Variants in UBAC2 observed in about 807,000 individuals in gnomAD.
UBAC2 encodes UBA domain containing 2, also known as ubiquitin-associated domain-containing protein 2.
A neutral mutation model predicts 44.0 loss-of-function variants in UBAC2; 26 were observed. The ratio of observed to expected loss-of-function variants is 0.59; its 90% CI spans 0.43 to 0.82. The LOEUF (loss-of-function observed/expected upper bound fraction) is 0.82, where lower values mean the gene tolerates loss of function less well. Ranked by LOEUF, UBAC2 falls within the 40% of genes least tolerant of loss-of-function variation. UBAC2 has a pLI of 0.00. For missense variants in UBAC2, 329 were observed against 419.4 expected, an observed-to-expected ratio of 0.78 and a Z score of 1.88; for synonymous variants, 155 against 154.3, an observed-to-expected ratio of 1.00 and a Z score of -0.04.
intron 6 of UBAC2, among the ~76,000 whole-genome samples, chr13:99,319,703 C>T (rs1273218640): frequency 6.6e-6 from 1 of 152,186 alleles, no homozygotes; most frequent in East Asian, 1.9e-4. Flanking sequence ...TTCAAAACAC[C>T]TAAGCTATCC....
chr13:99,323,457 A>G (rs75373843), intron 6 of UBAC2, among the ~76,000 whole-genome samples: 3,159 of 152,272 alleles, frequency 0.021, 53 homozygotes, highest in Non-Finnish European at 0.029. Context: ...ACAAACAAAC[A>G]AACAAAAATT....
intron 1 of UBAC2, among the ~76,000 whole-genome samples, chr13:99,226,799 T>A (rs2043115168): frequency 6.6e-6 from 1 of 152,216 alleles, no homozygotes; most frequent in African/African-American, 2.4e-5. Context: ...TTGCTTTTTT[T>A]TCCTCCAGAA....
intron 4 of UBAC2, among the ~76,000 whole-genome samples, chr13:99,260,245 A>G (rs954576787): frequency 5.3e-5 from 8 of 152,184 alleles, no homozygotes; most frequent in Non-Finnish European, 4.4e-5. Flanking sequence ...CTTGGTACCT[A>G]TCCCTGTAGT....
At chr13:99,288,995 T>C (rs574547466) in intron 4 of UBAC2, among the ~76,000 whole-genome samples, 7 of 152,324 alleles carry the variant, frequency 4.6e-5, no homozygotes, top group East Asian at 1.9e-4. Context: ...ACAAGAATAT[T>C]GCACATGAAA....
chr13:99,201,397 C>G, intron 1 of UBAC2: 1 of 1,606,778 alleles, frequency 6.2e-7, no homozygotes, highest in Non-Finnish European at 8.5e-7. Context: ...AAGCTGACCT[C>G]TCAGTTTCAC....
At chr13:99,203,440 G>A (rs113275758) in intron 1 of UBAC2, among the ~76,000 whole-genome samples, 2,376 of 152,332 alleles carry the variant, frequency 0.016, 70 homozygotes, top group African/African-American at 0.054. Context: ...CCCATGGGTG[G>A]TGAATAACAG....
At chr13:99,236,020 G>C (rs1035630030) in intron 1 of UBAC2, among the ~76,000 whole-genome samples, 1 of 152,002 alleles carries the variant, frequency 6.6e-6, no homozygotes, top group African/African-American at 2.4e-5. Context: ...AAAAATGAAA[G>C]ACCCATATTT....
intron 1 of UBAC2, chr13:99,215,543 A>G (rs1594006176): frequency 6.8e-7 from 1 of 1,475,384 alleles, no homozygotes; most frequent in Non-Finnish European, 9.5e-7. Flanking sequence ...CTTTTGATGC[A>G]TTTCCTGCCA....
At chr13:99,337,554 C>G (rs959701081) in intron 6 of UBAC2, among the ~76,000 whole-genome samples, 4 of 152,192 alleles carry the variant, frequency 2.6e-5, no homozygotes, top group South Asian at 4.1e-4. Flanking sequence ...TTTAGGGACT[C>G]TTGCCCTTTC....
intron 1 of UBAC2, among the ~76,000 whole-genome samples, chr13:99,202,920 C>T (rs1055279881): frequency 6.6e-6 from 1 of 152,156 alleles, no homozygotes; most frequent in African/African-American, 2.4e-5. Flanking sequence ...GGAGCTTAGG[C>T]ACAGTTTTCC....
At chr13:99,312,234 G>A (rs770919890) in intron 4 of UBAC2, among the ~76,000 whole-genome samples, 5 of 152,260 alleles carry the variant, frequency 3.3e-5, no homozygotes, top group Admixed American at 1.3e-4. Context: ...GGAGGGTCCT[G>A]TGTTTCCACA....
chr13:99,208,088 C>G (rs1324052525), intron 1 of UBAC2, among the ~76,000 whole-genome samples: 1 of 151,094 alleles, frequency 6.6e-6, no homozygotes, highest in Non-Finnish European at 1.5e-5. Context: ...GCCTCTGCCT[C>G]CTGGGTTTGA....
chr13:99,202,933 G>C (rs1271081225), intron 1 of UBAC2, among the ~76,000 whole-genome samples: 1 of 152,188 alleles, frequency 6.6e-6, no homozygotes, highest in South Asian at 2.1e-4. Context: ...AGTTTTCCAG[G>C]ACTGGTCATT....
intron 4 of UBAC2, among the ~76,000 whole-genome samples, chr13:99,281,376 A>G (rs1347510029): frequency 6.6e-6 from 1 of 152,120 alleles, no homozygotes; most frequent in Non-Finnish European, 1.5e-5. Context: ...TTCACAAGAT[A>G]TCTCCTTTCT....
chr13:99,311,294 C>T (rs981403867), intron 4 of UBAC2, among the ~76,000 whole-genome samples: 17 of 152,062 alleles, frequency 1.1e-4, no homozygotes, highest in East Asian at 7.7e-4. Context: ...GCTGTGAGGG[C>T]GGGAGGTGCG....
chr13:99,244,160 T>C (rs2043352830), intron 3 of UBAC2, among the ~76,000 whole-genome samples: 1 of 152,186 alleles, frequency 6.6e-6, no homozygotes, highest in Non-Finnish European at 1.5e-5. Context: ...ATAATGATAA[T>C]ATGTAGTATT....
chr13:99,353,816 A>G (rs2045134029), intron 7 of UBAC2, among the ~76,000 whole-genome samples: 1 of 152,208 alleles, frequency 6.6e-6, no homozygotes, highest in African/African-American at 2.4e-5. Flanking sequence ...TGAGCATCTC[A>G]GGAAAACTGA....
chr13:99,318,914 G>C lies in UBAC2; in HGVS notation c.561+845G>C, dbSNP rs539420658. Among the ~76,000 whole-genome samples the C allele has an allele frequency of 2.6e-4, 39 of 150,762 alleles. No homozygotes were observed. In the South Asian group the frequency reaches 3.1e-3, roughly 12 times the overall value. On this transcript the variant is annotated intron_variant, in intron 6 of 8. Transcript: ENST00000403766. ...CAAGGTAATTTTGATGAAAGTTTTA[G>C]CTGGGCTTGTCAGTGTTGTTTTTAA... is the stretch of plus-strand genomic sequence containing the variant.
intron 8 of UBAC2, among the ~76,000 whole-genome samples, chr13:99,384,453 C>A (rs2045592064): frequency 6.6e-6 from 1 of 152,180 alleles, no homozygotes; most frequent in Non-Finnish European, 1.5e-5. Flanking sequence ...TGGAGACTGC[C>A]TGTAGAGAAA....
Sources: gnomAD v4.1 joint callset for allele counts (sites outside exome capture counted in the v4.1 genomes callset) on GRCh38, gnomAD v4.1.1 for gene constraint, MANE v1.5 for transcripts, NCBI Gene and HGNC (gene_info 2026-07-23, HGNC 2026-07-21) for gene names.